Variants in FBXO36 observed in about 807,000 individuals in gnomAD.
FBXO36 encodes the protein F-box only protein 36.
A neutral mutation model predicts 17.0 loss-of-function variants in FBXO36; 18 were observed. The observed-to-expected ratio is 1.06, with a 90% confidence interval of 0.73 to 1.57. The LOEUF (loss-of-function observed/expected upper bound fraction) is 1.57. Ranked by LOEUF, FBXO36 falls within the 40% of genes most tolerant of loss-of-function variation. The pLI is 0.00. For missense variants in FBXO36, 229 were observed against 221.9 expected, an observed-to-expected ratio of 1.03 and a Z score of -0.20; for synonymous variants, 83 against 85.3, an observed-to-expected ratio of 0.97 and a Z score of 0.15.
intron 2 of FBXO36, among the ~76,000 whole-genome samples, chr2:229,982,181 G>A (rs2077243932): frequency 1.3e-5 from 2 of 151,916 alleles, no homozygotes; most frequent in African/African-American, 4.8e-5. Flanking sequence ...GTGCCACCAT[G>A]CCTGGCTAAT....
intron 1 of FBXO36, among the ~76,000 whole-genome samples, chr2:229,952,649 A>C (rs2077063091): frequency 6.6e-6 from 1 of 152,112 alleles, no homozygotes; most frequent in Admixed American, 6.6e-5. Flanking sequence ...CAGTTTGCTA[A>C]AGGAGGTAGT....
chr2:230,010,911 C>T lies in FBXO36; in HGVS notation c.*27C>T. 3.8e-6 allele frequency: 6 copies of T among 1,575,284 alleles called. No homozygotes were observed. The highest frequency in any genetic ancestry group is 5.2e-6 in the Non-Finnish European group (6 of 1,157,682). ...CACACATTTTCCTACCAGCAGGGAG[C>T]TCAGGCATGGCTGTGTTTCTCTTCA... On this transcript the variant is annotated 3_prime_UTR_variant, in exon 4 of 4. Transcript: ENST00000283946.
At chr2:229,953,106 G>A (rs1356624807) in intron 1 of FBXO36, among the ~76,000 whole-genome samples, 1 of 152,154 alleles carries the variant, frequency 6.6e-6, no homozygotes, top group East Asian at 1.9e-4. Context: ...GGGAGGCTGA[G>A]GCGAGTGAAT....
chr2:229,995,009 G>A (rs1251367849), intron 2 of FBXO36, among the ~76,000 whole-genome samples: 2 of 152,104 alleles, frequency 1.3e-5, no homozygotes, highest in African/African-American at 4.8e-5. Flanking sequence ...AGCTACTCAG[G>A]AGGCTGAGGC....
At chr2:229,987,767 A>T (rs764196583) in intron 2 of FBXO36, among the ~76,000 whole-genome samples, 2 of 152,044 alleles carry the variant, frequency 1.3e-5, no homozygotes, top group Non-Finnish European at 2.9e-5. Context: ...AGTAGCTGGG[A>T]CTACAAGTGT....
intron 2 of FBXO36, among the ~76,000 whole-genome samples, chr2:229,981,856 C>T (rs2077242223): frequency 6.6e-6 from 1 of 152,008 alleles, no homozygotes; most frequent in South Asian, 2.1e-4. Context: ...TTAATTGGCT[C>T]ATGGTTTTGC....
chr2:230,011,537 G>A lies in FBXO36; in HGVS notation c.*653G>A, dbSNP rs896017004. On this transcript the variant is annotated 3_prime_UTR_variant, in exon 4 of 4. Coordinates refer to ENST00000283946, the MANE Select transcript of FBXO36 (RefSeq NM_174899.5). ...ATCCTGCTTGCGGACCTTGCTCAAA[G>A]TACAACTTCCCAGGACTACTTCACA... The A allele has an allele frequency of 4.0e-5, 6 of 151,350 alleles. No individual in the cohort carries two copies. The highest frequency in any genetic ancestry group is 1.5e-4 in the African/African-American group (6 of 41,126). 9.4% of individuals were successfully genotyped at this position (151,350 alleles called of 1,614,324 possible). A position where few individuals can be genotyped will look rare whatever the true frequency, so the allele number is the denominator to read the frequency against.
intron 1 of FBXO36, among the ~76,000 whole-genome samples, chr2:229,923,966 G>T (rs2076884320): frequency 6.9e-6 from 1 of 145,410 alleles, no homozygotes; most frequent in Admixed American, 7.1e-5. Context: ...GGATGGTCTC[G>T]ATCTCTTGAT....
At chr2:229,976,011 C>G (rs1167799359) in intron 1 of FBXO36, among the ~76,000 whole-genome samples, 1 of 152,086 alleles carries the variant, frequency 6.6e-6, no homozygotes, top group Non-Finnish European at 1.5e-5. Flanking sequence ...CCCGGCCGAC[C>G]TGATCGATTT....
intron 3 of FBXO36, among the ~76,000 whole-genome samples, chr2:230,007,362 T>C (rs2077392297): frequency 6.6e-6 from 1 of 152,190 alleles, no homozygotes; most frequent in Admixed American, 6.5e-5. Flanking sequence ...AGAAAACCAC[T>C]CCTCTGTCCT....
chr2:229,985,826 A>G (rs1480302042), intron 2 of FBXO36, among the ~76,000 whole-genome samples: 1 of 152,138 alleles, frequency 6.6e-6, no homozygotes, highest in Non-Finnish European at 1.5e-5. Flanking sequence ...AGGTGGGAGG[A>G]CTGCCTGAGC....
chr2:229,988,865 A>T (rs887808258), intron 2 of FBXO36, among the ~76,000 whole-genome samples: 1 of 137,216 alleles, frequency 7.3e-6, no homozygotes. Context: ...TTTACCGCAT[A>T]GTATTTATGC....
intron 3 of FBXO36, among the ~76,000 whole-genome samples, chr2:230,003,514 G>A (rs2077370984): frequency 6.8e-6 from 1 of 146,924 alleles, no homozygotes. Context: ...GTATCAAAAG[G>A]GCCTGTTTCA....
At chr2:229,937,632 T>G (rs1339151073) in intron 1 of FBXO36, among the ~76,000 whole-genome samples, 1 of 152,206 alleles carries the variant, frequency 6.6e-6, no homozygotes. Context: ...TCTCCCTGCT[T>G]CAGCAGTGTT....
At chr2:229,968,707 G>A (rs2077165979) in intron 1 of FBXO36, among the ~76,000 whole-genome samples, 1 of 152,044 alleles carries the variant, frequency 6.6e-6, no homozygotes, top group South Asian at 2.1e-4. Context: ...ATCTCAAGCA[G>A]TCTACCCACC....
At chr2:229,930,278 T>A (rs866182756) in intron 1 of FBXO36, among the ~76,000 whole-genome samples, 2 of 151,026 alleles carry the variant, frequency 1.3e-5, no homozygotes. Context: ...CCTAGGTGTT[T>A]GAGGCTGCAG....
intron 2 of FBXO36, among the ~76,000 whole-genome samples, chr2:229,977,675 C>T (rs935742243): frequency 4.2e-4 from 64 of 152,120 alleles, no homozygotes; most frequent in African/African-American, 1.5e-3. Flanking sequence ...GTCTCGAACT[C>T]CTGACCTCAG....
chr2:229,948,087 CAGG>C (rs2106169314), intron 1 of FBXO36, among the ~76,000 whole-genome samples: 1 of 150,708 alleles, frequency 6.6e-6, no homozygotes, highest in South Asian at 2.1e-4. Flanking sequence ...TCATTGAGAC[CAGG>C]AGTTCAAGAG....
intron 1 of FBXO36, among the ~76,000 whole-genome samples, chr2:229,969,375 C>T (rs1450291559): frequency 6.7e-6 from 1 of 148,996 alleles, no homozygotes; most frequent in Non-Finnish European, 1.5e-5. Context: ...GGCCACCACA[C>T]TCACAAATTA....
Sources: allele counts gnomAD v4.1 joint callset (sites outside exome capture counted in the v4.1 genomes callset), GRCh38; gene constraint gnomAD v4.1.1; transcripts MANE v1.5; gene names NCBI Gene and HGNC (gene_info 2026-07-23, HGNC 2026-07-21).